NEGR1: variants seen among roughly 807,000 people sequenced by gnomAD.
NEGR1 encodes IgLON family member 4.
In NEGR1, 10 loss-of-function variants were observed where a neutral mutation model predicts 40.9. The ratio of observed to expected loss-of-function variants is 0.24; its 90% confidence interval spans 0.15 to 0.42. The LOEUF is 0.42. NEGR1 is among the 10% of genes least tolerant of loss of function. The pLI is 1.00. For synonymous variants in NEGR1, 185 were observed against 166.8 expected, an observed-to-expected ratio of 1.11 and a Z score of -0.84; for missense variants, 352 against 438.9, an observed-to-expected ratio of 0.80 and a Z score of 1.77.
At chr1:72,281,282 G>A (rs1656235885) in intron 1 of NEGR1, among the ~76,000 whole-genome samples, 1 of 152,214 alleles carries the variant, frequency 6.6e-6, no homozygotes, top group African/African-American at 2.4e-5. Context: ...GAGACAGGCA[G>A]TGTGTACACA....
intron 4 of NEGR1, among the ~76,000 whole-genome samples, chr1:71,666,871 A>T (rs1003065381): frequency 1.3e-5 from 2 of 152,168 alleles, no homozygotes; most frequent in Non-Finnish European, 2.9e-5. Context: ...TACTAAAGCC[A>T]TTCTATTATT....
At chr1:72,260,318 G>T (rs1655415066) in intron 1 of NEGR1, among the ~76,000 whole-genome samples, 1 of 151,964 alleles carries the variant, frequency 6.6e-6, no homozygotes, top group Non-Finnish European at 1.5e-5. Context: ...CTATTGATAA[G>T]CCCAATTTTT....
intron 2 of NEGR1, among the ~76,000 whole-genome samples, chr1:71,886,914 T>C (rs1190151375): frequency 2.0e-5 from 3 of 152,106 alleles, no homozygotes; most frequent in African/African-American, 4.8e-5. Flanking sequence ...GGGTGCAAAA[T>C]ATAATTGACC....
intron 6 of NEGR1, among the ~76,000 whole-genome samples, chr1:71,560,079 CATG>C (rs3050879): frequency 1.1e-4 from 17 of 149,638 alleles, no homozygotes; most frequent in South Asian, 2.1e-4. Flanking sequence ...ACTAAGAGGT[CATG>C]ATGATGATGA....
At chr1:71,697,454 G>T (rs1440498117) in intron 4 of NEGR1, among the ~76,000 whole-genome samples, 1 of 151,744 alleles carries the variant, frequency 6.6e-6, no homozygotes, top group South Asian at 2.1e-4. Flanking sequence ...TAACATACTA[G>T]CATTGACGGT....
At chr1:72,271,498 C>T (rs937369204) in intron 1 of NEGR1, among the ~76,000 whole-genome samples, 1 of 151,830 alleles carries the variant, frequency 6.6e-6, no homozygotes, top group African/African-American at 2.4e-5. Context: ...TATATAATAT[C>T]CTTCTGTGAA....
At chr1:71,537,376 C>T (rs558426013) in intron 6 of NEGR1, among the ~76,000 whole-genome samples, 7 of 151,758 alleles carry the variant, frequency 4.6e-5, no homozygotes, top group East Asian at 2.0e-4. Context: ...TAAATGGGGA[C>T]ATTCCTATGC....
At chr1:71,460,677 A>C (rs555045170) in intron 6 of NEGR1, among the ~76,000 whole-genome samples, 2 of 152,274 alleles carry the variant, frequency 1.3e-5, no homozygotes, top group South Asian at 2.1e-4. Flanking sequence ...TCCTGAGGTA[A>C]TGAACTCTCA....
chr1:71,808,730 A>G (rs373205354), intron 2 of NEGR1, among the ~76,000 whole-genome samples: 6 of 152,072 alleles, frequency 3.9e-5, no homozygotes, highest in Non-Finnish European at 7.4e-5. Context: ...ACATATTCTT[A>G]TTTCAGAAAA....
chr1:72,261,451 T>C (rs1655453127), intron 1 of NEGR1, among the ~76,000 whole-genome samples: 1 of 152,066 alleles, frequency 6.6e-6, no homozygotes, highest in Admixed American at 6.6e-5. Context: ...TCCAAAATAG[T>C]TTTATTAAAA....
chr1:72,232,849 A>T (rs1654415358), intron 1 of NEGR1, among the ~76,000 whole-genome samples: 1 of 152,138 alleles, frequency 6.6e-6, no homozygotes, highest in South Asian at 2.1e-4. Flanking sequence ...ACCTCCTCAG[A>T]GCCTCTTTTT....
chr1:71,520,079 G>A (rs1271673615), intron 6 of NEGR1, among the ~76,000 whole-genome samples: 2 of 152,042 alleles, frequency 1.3e-5, no homozygotes, highest in East Asian at 1.9e-4. Flanking sequence ...AAGGTGGGAT[G>A]AGAAACTGGC....
At chr1:72,245,445 G>C (rs1160416169) in intron 1 of NEGR1, among the ~76,000 whole-genome samples, 1 of 152,046 alleles carries the variant, frequency 6.6e-6, no homozygotes, top group Non-Finnish European at 1.5e-5. Flanking sequence ...TTCTGAGTCA[G>C]TGGCATGGTC....
chr1:71,867,060 TAC>T (rs1228015624), intron 2 of NEGR1, among the ~76,000 whole-genome samples: 1 of 152,084 alleles, frequency 6.6e-6, no homozygotes, highest in East Asian at 1.9e-4. Flanking sequence ...AAAAGAAAGA[TAC>T]ATTATCCTGG....
At chr1:72,102,709 C>T (rs1477244464) in intron 1 of NEGR1, among the ~76,000 whole-genome samples, 1 of 152,074 alleles carries the variant, frequency 6.6e-6, no homozygotes, top group Non-Finnish European at 1.5e-5. Flanking sequence ...TGTACACATA[C>T]ACATTTTTAC....
chr1:71,649,807 A>T (rs1053960665), intron 4 of NEGR1, among the ~76,000 whole-genome samples: 12 of 152,036 alleles, frequency 7.9e-5, no homozygotes, highest in African/African-American at 2.9e-4. Context: ...CCAGTTGAGA[A>T]CTCAGAAGTC....
intron 6 of NEGR1, among the ~76,000 whole-genome samples, chr1:71,492,819 A>G (rs969047318): frequency 6.6e-6 from 1 of 152,134 alleles, no homozygotes; most frequent in African/African-American, 2.4e-5. Flanking sequence ...CGTAACAAAA[A>G]TATGTAAAAA....
chr1:71,688,307 T>C (rs1447854554), intron 4 of NEGR1, among the ~76,000 whole-genome samples: 2 of 55,168 alleles, frequency 3.6e-5, no homozygotes, highest in Non-Finnish European at 7.6e-5. Context: ...AGTTTCCCTT[T>C]TCATATATAT....
intron 1 of NEGR1, among the ~76,000 whole-genome samples, chr1:71,992,184 G>T (rs1272142532): frequency 6.6e-6 from 1 of 151,910 alleles, no homozygotes; most frequent in Non-Finnish European, 1.5e-5. Flanking sequence ...TTAATATTAT[G>T]AGTATTATTT....
Sources: allele counts gnomAD v4.1 joint callset (sites outside exome capture counted in the v4.1 genomes callset), GRCh38; gene constraint gnomAD v4.1.1; transcripts MANE v1.5; gene names NCBI Gene and HGNC (gene_info 2026-07-23, HGNC 2026-07-21).